Variants in SCHIP1 observed in about 807,000 individuals in gnomAD.
SCHIP1 encodes the protein schwannomin interacting protein 1, also known as schwannomin-interacting protein 1.
Under a neutral mutation model 29.7 loss-of-function variants are expected in SCHIP1, and 8 were observed. The ratio of observed to expected loss-of-function variants is 0.27; its 90% CI spans 0.16 to 0.49. The LOEUF (loss-of-function observed/expected upper bound fraction) is 0.49, where lower values mean the gene tolerates loss of function less well. Ranked by LOEUF, SCHIP1 falls within the 20% of genes least tolerant of loss-of-function variation. The pLI is 0.99. For missense variants in SCHIP1, 193 were observed against 294.6 expected (o/e 0.66, Z 2.52); for synonymous variants, 76 against 94.9 (o/e 0.80, Z 1.16).
the SCHIP1 span, among the ~76,000 whole-genome samples, chr3:159,458,123 C>T: frequency 1.3e-5 from 2 of 152,144 alleles, no homozygotes; most frequent in South Asian, 4.1e-4. Flanking sequence ...AGGAAATAAT[C>T]CAAAAGAAAC....
At chr3:159,530,046 C>T in the SCHIP1 span, among the ~76,000 whole-genome samples, 1 of 152,210 alleles carries the variant, frequency 6.6e-6, no homozygotes, top group Admixed American at 6.5e-5. Flanking sequence ...GTGAAGAGTG[C>T]TGCATTAAAC....
the SCHIP1 span, among the ~76,000 whole-genome samples, chr3:159,524,137 G>A: frequency 6.6e-6 from 1 of 152,180 alleles, no homozygotes; most frequent in Non-Finnish European, 1.5e-5. Flanking sequence ...AGGATTCATT[G>A]AAATCCGGTT....
chr3:159,859,094 A>G (rs1382348223), intron 1 of SCHIP1, among the ~76,000 whole-genome samples: 1 of 152,230 alleles, frequency 6.6e-6, no homozygotes, highest in Non-Finnish European at 1.5e-5. Context: ...TACTTCCACT[A>G]CCAATTAAAA....
At chr3:159,361,090 C>T in the SCHIP1 span, among the ~76,000 whole-genome samples, 1 of 152,152 alleles carries the variant, frequency 6.6e-6, no homozygotes, top group Admixed American at 6.6e-5. Context: ...AATTCTTGTC[C>T]TCATGGACTT....
At chr3:159,357,848 CT>C in the SCHIP1 span, among the ~76,000 whole-genome samples, 4 of 152,338 alleles carry the variant, frequency 2.6e-5, no homozygotes, top group South Asian at 8.3e-4. Flanking sequence ...GTCTTACCAT[CT>C]AGCAGGACTA....
chr3:159,710,083 T>A, the SCHIP1 span, among the ~76,000 whole-genome samples: 3 of 152,304 alleles, frequency 2.0e-5, no homozygotes, highest in East Asian at 5.8e-4. Flanking sequence ...CAATCTCACT[T>A]CTGGGTATAC....
chr3:159,658,613 A>T, the SCHIP1 span, among the ~76,000 whole-genome samples: 1 of 152,004 alleles, frequency 6.6e-6, no homozygotes, highest in East Asian at 1.9e-4. Flanking sequence ...ATCTGTTTAT[A>T]CTCACTCCAT....
At chr3:159,556,542 G>A in the SCHIP1 span, among the ~76,000 whole-genome samples, 9 of 151,962 alleles carry the variant, frequency 5.9e-5, no homozygotes, top group Non-Finnish European at 2.9e-5. Flanking sequence ...TGATAGACTG[G>A]ATTAAGAAAA....
At chr3:159,842,881 C>A (rs185996377) in intron 1 of SCHIP1, among the ~76,000 whole-genome samples, 10 of 151,994 alleles carry the variant, frequency 6.6e-5, no homozygotes, top group Non-Finnish European at 1.3e-4. Context: ...TCGCCTCTAC[C>A]CCCATCCATT....
At chr3:159,892,594 A>G in intron 6 of SCHIP1, 1 of 287,850 alleles carries the variant, frequency 3.5e-6, no homozygotes, top group South Asian at 8.3e-5. Flanking sequence ...CCAGTTCTTG[A>G]TCGCCTCTGC....
chr3:159,294,967 C>T, the SCHIP1 span, among the ~76,000 whole-genome samples: 1 of 152,068 alleles, frequency 6.6e-6, no homozygotes, highest in Non-Finnish European at 1.5e-5. Flanking sequence ...AGGTAGTTTA[C>T]TCCTGAGTCC....
the SCHIP1 span, among the ~76,000 whole-genome samples, chr3:159,421,674 A>C: frequency 1.3e-5 from 2 of 152,200 alleles, no homozygotes; most frequent in African/African-American, 4.8e-5. Flanking sequence ...GCCTAATCTT[A>C]TGTCTTTGAT....
chr3:159,808,803 C>T, the SCHIP1 span, among the ~76,000 whole-genome samples: 1 of 151,922 alleles, frequency 6.6e-6, no homozygotes, highest in African/African-American at 2.4e-5. Flanking sequence ...ACTAAAAATA[C>T]AAAATTAGCT....
chr3:159,309,159 T>C, the SCHIP1 span: 13 of 227,524 alleles, frequency 5.7e-5, no homozygotes, highest in African/African-American at 2.4e-4. Flanking sequence ...AAAAAAACAA[T>C]TATAATGGAC....
the SCHIP1 span, among the ~76,000 whole-genome samples, chr3:159,607,051 C>T: frequency 6.6e-6 from 1 of 152,198 alleles, no homozygotes; most frequent in Non-Finnish European, 1.5e-5. Flanking sequence ...ACTTAAAACC[C>T]TTTTCACGGG....
the SCHIP1 span, among the ~76,000 whole-genome samples, chr3:159,429,636 C>G: frequency 6.6e-6 from 1 of 152,114 alleles, no homozygotes; most frequent in Non-Finnish European, 1.5e-5. Context: ...CCCACCTTTT[C>G]TCCCCACCAT....
chr3:159,711,037 G>A, the SCHIP1 span, among the ~76,000 whole-genome samples: 1 of 152,090 alleles, frequency 6.6e-6, no homozygotes, highest in Admixed American at 6.5e-5. Context: ...TGACATTACA[G>A]TTTCCTCAAC....
chr3:159,546,979 T>A, the SCHIP1 span, among the ~76,000 whole-genome samples: 2 of 152,194 alleles, frequency 1.3e-5, no homozygotes, highest in Admixed American at 1.3e-4. Context: ...TGATTCTAGA[T>A]CCTTGAGGAA....
At chr3:159,540,081 C>T in the SCHIP1 span, among the ~76,000 whole-genome samples, 1 of 151,922 alleles carries the variant, frequency 6.6e-6, no homozygotes, top group Non-Finnish European at 1.5e-5. Flanking sequence ...TCCCTTACTC[C>T]TTCTCTCCCT....
Sources: allele counts gnomAD v4.1 joint callset (sites outside exome capture counted in the v4.1 genomes callset), GRCh38; gene constraint gnomAD v4.1.1; transcripts MANE v1.5; gene names NCBI Gene and HGNC (gene_info 2026-07-23, HGNC 2026-07-21).